KIAA0513: variants seen among roughly 807,000 people sequenced by gnomAD.
KIAA0513 encodes the protein uncharacterized protein KIAA0513.
Under a neutral mutation model 56.5 loss-of-function variants are expected in KIAA0513, and 39 were observed. The observed-to-expected ratio is 0.69, with a 90% CI of 0.53 to 0.90. KIAA0513 has a LOEUF of 0.90. Ranked by LOEUF, KIAA0513 falls within the 40% of genes least tolerant of loss-of-function variation. The probability of loss-of-function intolerance (pLI) is 0.00; values close to 1 mark genes in which losing one functional copy is unlikely to be tolerated. For synonymous variants in KIAA0513, 268 were observed against 215.6 expected (o/e 1.24, Z -2.13); for missense variants, 591 against 535.2 (o/e 1.10, Z -1.03).
rs183312339 is a variant in KIAA0513 at position 85,046,790 on chromosome 16, T to C, written c.-173+18932T>C. Among the ~76,000 whole-genome samples, 172 of 152,376 alleles carry C rather than the reference T, an allele frequency of 1.1e-3. 1 individual carries two copies. The highest frequency in any genetic ancestry group is 4.0e-3 in the African/African-American group (166 of 41,588). On this transcript the variant is annotated intron_variant, in intron 1 of 12. Transcript: ENST00000683363. Reference sequence around the variant, plus strand: ...TAGTTCGAAGTTTTCCATTTGGTTCTCCTTTATACCTTCTGTTTCTTTCCT... The same window carrying C: ...TAGTTCGAAGTTTTCCATTTGGTTCCCCTTTATACCTTCTGTTTCTTTCCT...
chr16:85,037,613 G>C (rs1466450196), intron 1 of KIAA0513, among the ~76,000 whole-genome samples: 2 of 152,146 alleles, frequency 1.3e-5, no homozygotes, highest in Admixed American at 1.3e-4. Flanking sequence ...AGTAAAACTA[G>C]TCTAATCCGC....
rs185866411 is a variant in KIAA0513, at chr16:85,052,480, C to G, written c.-172-14420C>G. Among the ~76,000 whole-genome samples, 56 of 152,336 alleles carry G rather than the reference C, an allele frequency of 3.7e-4. 1 individual carries two copies. The East Asian group carries it at 0.01, about 27-fold the overall frequency. On this transcript the variant is annotated intron_variant, in intron 1 of 12. Coordinates refer to ENST00000683363, the MANE Select transcript of KIAA0513 (RefSeq NM_001388359.1). The stretch of plus-strand genomic sequence containing the variant: ...GGTTCCATTGCATCGTGCCATTGCA[C>G]TCCAGCCTGGGCAACAAGAGCAAAA...
chr16:85,045,853 G>A (rs1354308132), intron 1 of KIAA0513, among the ~76,000 whole-genome samples: 1 of 152,206 alleles, frequency 6.6e-6, no homozygotes, highest in Non-Finnish European at 1.5e-5. Context: ...TTGAGCTCCA[G>A]TGAGTAGCCC....
chr16:85,088,243 T>C lies in KIAA0513; in HGVS notation c.1187-33T>C, dbSNP rs916729755. 1.9e-6 allele frequency: 3 copies of C among 1,604,756 alleles called. No individual in the cohort carries two copies. In the African/African-American group the frequency reaches 4.0e-5, roughly 21 times the overall value. ...ATATACCTGTCCCTGTCACTGTCTTTCATCTGAGAAATAACATCACTTTCT... is the reference window on the plus strand; with the variant it reads ...ATATACCTGTCCCTGTCACTGTCTTCCATCTGAGAAATAACATCACTTTCT... On this transcript the variant is annotated intron_variant, in intron 12 of 12. Coordinates refer to ENST00000683363, the MANE Select transcript of KIAA0513 (RefSeq NM_001388359.1).
intron 1 of KIAA0513, among the ~76,000 whole-genome samples, chr16:85,041,162 G>C (rs894811180): frequency 2.6e-5 from 4 of 152,204 alleles, no homozygotes; most frequent in African/African-American, 9.7e-5. Flanking sequence ...AGAAACTGAA[G>C]TTGTGCTAGA....
chr16:85,085,788 C>G (rs1020828826), intron 10 of KIAA0513, among the ~76,000 whole-genome samples: 7 of 152,220 alleles, frequency 4.6e-5, no homozygotes, highest in African/African-American at 1.7e-4. Flanking sequence ...GAACACCCTC[C>G]CACTTCAGGC....
chr16:85,052,830 C>G (rs2073273022), intron 1 of KIAA0513, among the ~76,000 whole-genome samples: 2 of 152,194 alleles, frequency 1.3e-5, no homozygotes, highest in South Asian at 4.1e-4. Context: ...AGCGCGCCCT[C>G]AAGCAGTGAG....
At chr16:85,073,593 G>A (rs1194536537) in intron 4 of KIAA0513, among the ~76,000 whole-genome samples, 1 of 152,226 alleles carries the variant, frequency 6.6e-6, no homozygotes, top group Non-Finnish European at 1.5e-5. Flanking sequence ...CCTCTTCTCA[G>A]GAGCATGACT....
intron 1 of KIAA0513, among the ~76,000 whole-genome samples, chr16:85,062,550 C>T (rs1202165693): frequency 6.6e-6 from 1 of 152,204 alleles, no homozygotes; most frequent in Non-Finnish European, 1.5e-5. Context: ...GTCTGGGGAC[C>T]TGCAGTGGGC....
intron 8 of KIAA0513, 84 bp downstream of exon 8, chr16:85,079,087 G>T (rs1459918279): frequency 1.2e-6 from 2 of 1,603,564 alleles, no homozygotes; most frequent in Middle Eastern, 1.7e-4. Flanking sequence ...AGCTGCCTTT[G>T]TCCCCATCAG....
At chr16:85,075,624 G>A (rs1250989933) in intron 4 of KIAA0513, among the ~76,000 whole-genome samples, 2 of 152,182 alleles carry the variant, frequency 1.3e-5, no homozygotes, top group East Asian at 3.9e-4. Context: ...AAAGAAGCCG[G>A]GCAGGCAGAC....
intron 1 of KIAA0513, among the ~76,000 whole-genome samples, chr16:85,052,219 C>G (rs2073262718): frequency 6.6e-6 from 1 of 152,098 alleles, no homozygotes; most frequent in African/African-American, 2.4e-5. Flanking sequence ...GCTCAGGAGG[C>G]TGAGGAAGGA....
At chr16:85,065,287 C>G (rs1257507330) in intron 1 of KIAA0513, among the ~76,000 whole-genome samples, 1 of 152,224 alleles carries the variant, frequency 6.6e-6, no homozygotes, top group Non-Finnish European at 1.5e-5. Context: ...GGCGCCCTGG[C>G]CGGGGACGCA....
intron 1 of KIAA0513, among the ~76,000 whole-genome samples, chr16:85,061,833 G>A (rs1015252101): frequency 6.6e-6 from 1 of 152,162 alleles, no homozygotes; most frequent in African/African-American, 2.4e-5. Flanking sequence ...GGGGCGGAAG[G>A]GGTTGCAGCA....
chr16:85,079,860 G>A (rs1193724582), intron 8 of KIAA0513: 1 of 152,244 alleles, frequency 6.6e-6, no homozygotes, highest in Admixed American at 6.5e-5. Context: ...TGAGACCAGT[G>A]TTGCAGGGGA....
intron 1 of KIAA0513, among the ~76,000 whole-genome samples, chr16:85,030,329 C>T (rs528200787): frequency 6.6e-6 from 1 of 152,144 alleles, no homozygotes; most frequent in Non-Finnish European, 1.5e-5. Flanking sequence ...TTTTCCTTGT[C>T]CCCCACCCAA....
At chr16:85,074,300 A>G (rs976570172) in intron 4 of KIAA0513, among the ~76,000 whole-genome samples, 2 of 150,846 alleles carry the variant, frequency 1.3e-5, no homozygotes, top group African/African-American at 2.4e-5. Context: ...ATACATATAT[A>G]TATACACACA....
At position 85,060,015 on chromosome 16, in the gene KIAA0513, C is replaced by T. The variant is rs369736026; in HGVS notation, c.-172-6885C>T. On this transcript the variant is annotated intron_variant, in intron 1 of 12. Transcript: ENST00000683363. ...TCATTCTGTTGCCCAGGCTGGAGTGCAGTGGCGCTATCTTGGCTCACTGCA... is the reference window on the plus strand; with the variant it reads ...TCATTCTGTTGCCCAGGCTGGAGTGTAGTGGCGCTATCTTGGCTCACTGCA... Among the ~76,000 whole-genome samples the T allele has an allele frequency of 1.3e-4, 20 of 152,360 alleles. No homozygotes were observed. The South Asian group carries it at 4.1e-3, about 32-fold the overall frequency.
Position 85,072,956 on chromosome 16 carries a change from C to G in KIAA0513, c.461C>G (p.Thr154Ser). 6.2e-7 allele frequency: 1 copy of G among 1,614,226 alleles called. No homozygotes were observed. The change falls in exon 4 of 13, where the codon ACC becomes AGC. Residue 154 changes from threonine to serine, a missense_variant. Physicochemically the swap from Thr to Ser is moderately conservative, Grantham distance 58. Transcript: ENST00000683363. ...RCNSKCVSEA[T>S]FYRLVQSFAV... ...AACTCCAAGTGTGTCTCAGAGGCAA[C>G]CTTCTACCGCCTGGTGCAGTCTTTT... is the stretch of plus-strand genomic sequence containing the variant.
Sources: gnomAD v4.1 joint callset for allele counts (sites outside exome capture counted in the v4.1 genomes callset) on GRCh38, gnomAD v4.1.1 for gene constraint, MANE v1.5 for transcripts, NCBI Gene and HGNC (gene_info 2026-07-23, HGNC 2026-07-21) for gene names.